The following SYNRG variants were observed in gnomAD, a reference collection of about 807,000 sequenced individuals.
SYNRG encodes the protein synergin gamma.
A neutral mutation model predicts 130.9 loss-of-function variants in SYNRG; 37 were observed. That is an observed-to-expected ratio of 0.28 (90% confidence interval 0.22 to 0.37). The LOEUF (loss-of-function observed/expected upper bound fraction) is 0.37, where lower values mean the gene tolerates loss of function less well. Ranked by LOEUF, SYNRG falls within the 10% of genes least tolerant of loss-of-function variation. The probability of loss-of-function intolerance (pLI) is 1.00; values close to 1 mark genes in which losing one functional copy is unlikely to be tolerated. For missense variants in SYNRG, 1,338 were observed against 1,588.9 expected (o/e 0.84, Z 2.68); for synonymous variants, 539 against 568.1 (o/e 0.95, Z 0.73).
chr17:37,532,351 A>C (rs1404776719), intron 19 of SYNRG, among the ~76,000 whole-genome samples: 3 of 152,210 alleles, frequency 2.0e-5, no homozygotes, highest in African/African-American at 7.2e-5. Context: ...TATTCATACA[A>C]ACAGACCATA....
intron 6 of SYNRG, among the ~76,000 whole-genome samples, chr17:37,579,888 C>CTTT (rs901644507): frequency 2.0e-5 from 3 of 147,278 alleles, no homozygotes; most frequent in African/African-American, 7.5e-5. Flanking sequence ...TTCTTCCTTT[C>CTTT]TTTTTTTTTT....
rs1202792839 is a variant in SYNRG, at chr17:37,565,469, G to A, written c.1481+3322C>T. ...GCAGCCTCTGCCCGGCCGCCACCCC[G>A]TCTGGGAAGTGAGGAGCGTCTCTGC... On this transcript the variant is annotated intron_variant, in intron 11 of 21. Transcript: ENST00000612223. Among the ~76,000 whole-genome samples, 61 of 151,106 alleles carry A rather than the reference G, an allele frequency of 4.0e-4. 1 individual carries two copies. Among genetic ancestry groups the A allele is most frequent in the Non-Finnish European group, 6.8e-4 (46 of 67,688 alleles).
At chr17:37,520,934 G>A (rs1233501655) in intron 19 of SYNRG, among the ~76,000 whole-genome samples, 2 of 152,318 alleles carry the variant, frequency 1.3e-5, no homozygotes, top group East Asian at 1.9e-4. Context: ...CTTACTTGGG[G>A]GAAGTCCTGA....
chr17:37,561,376 A>C, intron 12 of SYNRG, 95 bp downstream of exon 12: 1 of 1,417,638 alleles, frequency 7.1e-7, no homozygotes. Flanking sequence ...GGCATTTTAC[A>C]TATTTAGCAC....
intron 1 of SYNRG, among the ~76,000 whole-genome samples, chr17:37,607,918 C>T (rs1438024544): frequency 2.2e-5 from 3 of 136,728 alleles, no homozygotes; most frequent in Admixed American, 8.5e-5. Context: ...ATCACGCCGC[C>T]GCACTCTGGC....
At position 37,568,904 on chromosome 17, in the gene SYNRG, ATCT is replaced by A. The variant is rs770293499; in HGVS notation, c.1365_1367del (p.Glu455del). ...AAGCATCTTGAAAATCCTGGAAGTC[ATCT>A]TCTTCTGGCTTTACTACCTAGGTTT... On this transcript the variant is annotated inframe_deletion, in exon 11 of 22. Transcript: ENST00000612223. The A allele has an allele frequency of 8.1e-5, 130 of 1,613,848 alleles. No individual in the cohort carries two copies. The highest frequency in any genetic ancestry group is 1.1e-4 in the Non-Finnish European group (124 of 1,179,914).
Position 37,516,198 on chromosome 17 carries a change from A to C in SYNRG, c.*2742T>G, listed in dbSNP as rs2054412905. The C allele has an allele frequency of 6.6e-6, 1 of 152,234 alleles. No homozygotes were observed. Among genetic ancestry groups the C allele is most frequent in the African/African-American group, 2.4e-5 (1 of 41,478 alleles). 9.4% of individuals were successfully genotyped at this position (152,234 alleles called of 1,614,324 possible). A position where few individuals can be genotyped will look rare whatever the true frequency, so the allele number is the denominator to read the frequency against. On this transcript the variant is annotated 3_prime_UTR_variant, in exon 22 of 22. Coordinates refer to ENST00000612223, the MANE Select transcript of SYNRG (RefSeq NM_007247.6). ...AGTATGGAAATAAGTAACCTTGGCT[A>C]CAGTTTCCAAGGACACGGGGCTCCT... is the stretch of plus-strand genomic sequence containing the variant.
chr17:37,580,382 C>T (rs1250486266), intron 6 of SYNRG, among the ~76,000 whole-genome samples: 1 of 150,896 alleles, frequency 6.6e-6, no homozygotes, highest in African/African-American at 2.4e-5. Flanking sequence ...GAAACCTCTG[C>T]TTTGTTCCCC....
intron 1 of SYNRG, 164 bp from the exon 2 acceptor site, chr17:37,600,567 T>A (rs1247082574): frequency 1.3e-6 from 1 of 754,506 alleles, no homozygotes; most frequent in Non-Finnish European, 2.4e-6. Context: ...ATCCATAGGA[T>A]GCATGTCAGC....
intron 1 of SYNRG, among the ~76,000 whole-genome samples, chr17:37,606,949 G>A (rs1442057106): frequency 6.6e-6 from 1 of 152,010 alleles, no homozygotes; most frequent in East Asian, 1.9e-4. Flanking sequence ...TAATTTCAGG[G>A]AGGGTGGGTG....
chr17:37,541,802 TC>T (rs761642078), intron 15 of SYNRG, 169 bp downstream of exon 15: 99 of 687,206 alleles, frequency 1.4e-4, no homozygotes, highest in Middle Eastern at 4.0e-4. Context: ...TGATTTTGAC[TC>T]CCGTCTCAGG....
At chr17:37,578,094 G>A (rs1466159752) in intron 6 of SYNRG, among the ~76,000 whole-genome samples, 1 of 151,890 alleles carries the variant, frequency 6.6e-6, no homozygotes, top group East Asian at 2.0e-4. Context: ...CACTTTGGGA[G>A]GCCAAGGCAG....
intron 6 of SYNRG, chr17:37,579,030 A>G: frequency 1.2e-6 from 1 of 833,200 alleles, no homozygotes; most frequent in South Asian, 3.8e-5. Context: ...ATTTATGTGC[A>G]TGTTTATTTG....
rs773746856 is a variant in SYNRG at position 37,553,488 on chromosome 17, G to A, written c.2235C>T (p.Tyr745=). 9.9e-6 allele frequency: 16 copies of A among 1,614,156 alleles called. No individual in the cohort carries two copies. Among genetic ancestry groups the A allele is most frequent in the Admixed American group, 1.7e-5 (1 of 60,020 alleles). The change falls in exon 14 of 22, where the codon TAC becomes TAT. Residue 745 remains tyrosine, a synonymous_variant. Coordinates refer to ENST00000612223, the MANE Select transcript of SYNRG (RefSeq NM_007247.6). The stretch of plus-strand genomic sequence containing the variant: ...CCAGAGAAAGTTGTCTGAAGACATC[G>A]TACTTGGTAGACGCAGCAGTCGAGT... ...GQNSTAASTK[Y]DVFRQLSLEG... is the part of the protein sequence containing the mutation.
In SYNRG at chr17:37,553,407, A is replaced by G. The variant is rs2058853675; in HGVS notation, c.2316T>C (p.Ser772=). 1 of 1,614,106 alleles carries G rather than the reference A, an allele frequency of 6.2e-7. No individual in the cohort carries two copies. Among genetic ancestry groups the G allele is most frequent in the South Asian group, 1.1e-5 (1 of 91,076 alleles). ...DLKDNTPSGK[S]DDDFADFHSS... ...AGTGGAAGTCAGCAAAATCATCATC[A>G]CTTTTTCCTGAAGGAGTGTTATCTT... The change falls in exon 14 of 22, where the codon AGT becomes AGC. Residue 772 remains serine (S), a synonymous_variant. Coordinates refer to ENST00000612223, the MANE Select transcript of SYNRG (RefSeq NM_007247.6).
Position 37,590,154 on chromosome 17 carries a change from C to T in SYNRG, c.241-3605G>A, listed in dbSNP as rs191344219. 8.5e-4 allele frequency among the ~76,000 whole-genome samples: 122 copies of T among 143,626 alleles called. 2 individuals are homozygous for T. In the East Asian group the frequency reaches 0.02, roughly 23 times the overall value. The allele number at this position is 143,626 out of a possible 152,430, so 94.2% of individuals were successfully genotyped here. ...CCACATTCCAGCCTGGGCGACAGGG[C>T]GAGACTCTGTCTCAAAAAAAAAAAA... On this transcript the variant is annotated intron_variant, in intron 3 of 21. Transcript: ENST00000612223.
chr17:37,552,823 G>C (rs542324898), intron 14 of SYNRG, among the ~76,000 whole-genome samples: 3 of 152,298 alleles, frequency 2.0e-5, no homozygotes, highest in Admixed American at 6.5e-5. Context: ...GGCAATGTGA[G>C]GTTCACTTAG....
At chr17:37,596,144 C>G in intron 3 of SYNRG, 79 bp downstream of exon 3, 5 of 1,489,954 alleles carry the variant, frequency 3.4e-6, no homozygotes, top group Non-Finnish European at 4.6e-6. Context: ...TAACATTAAG[C>G]TCTTAGCCTG....
intron 2 of SYNRG, among the ~76,000 whole-genome samples, chr17:37,596,741 C>G (rs926805519): frequency 1.3e-5 from 2 of 152,036 alleles, no homozygotes; most frequent in Non-Finnish European, 2.9e-5. Context: ...GTGGAAATGA[C>G]AGCATGTAAC....
Sources: gnomAD v4.1 joint callset for allele counts (sites outside exome capture counted in the v4.1 genomes callset) on GRCh38, gnomAD v4.1.1 for gene constraint, MANE v1.5 for transcripts, NCBI Gene and HGNC (gene_info 2026-07-23, HGNC 2026-07-21) for gene names.